JARID2: variants seen among roughly 807,000 people sequenced by gnomAD.
JARID2 encodes jumonji and AT-rich interaction domain containing 2, also known as protein Jumonji.
In JARID2, 21 loss-of-function variants were observed where a neutral mutation model predicts 125.6. The observed-to-expected ratio is 0.17, with a 90% CI of 0.12 to 0.24. The LOEUF is 0.24. Ranked by LOEUF, JARID2 falls within the 10% of genes least tolerant of loss-of-function variation. JARID2 has a pLI of 1.00. For synonymous variants in JARID2, 736 were observed against 661.6 expected (o/e 1.11, Z -1.73); for missense variants, 1,303 against 1,639.6 (o/e 0.79, Z 3.55).
At chr6:15,428,931 C>A (rs1302613844) in intron 3 of JARID2, among the ~76,000 whole-genome samples, 2 of 54,266 alleles carry the variant, frequency 3.7e-5, no homozygotes, top group African/African-American at 5.9e-5. Context: ...AAAAAACAAA[C>A]CCCCCCCCCA....
chr6:15,357,625 AC>A (rs1424776074), intron 1 of JARID2, among the ~76,000 whole-genome samples: 1 of 152,182 alleles, frequency 6.6e-6, no homozygotes, highest in East Asian at 1.9e-4. Flanking sequence ...AAGTTGAAAG[AC>A]CCTTGGTCGA....
At chr6:15,373,507 C>T (rs1168135535) in intron 1 of JARID2, among the ~76,000 whole-genome samples, 2 of 152,144 alleles carry the variant, frequency 1.3e-5, no homozygotes, top group Non-Finnish European at 2.9e-5. Context: ...AAAAATCATG[C>T]CAGTTGTATG....
chr6:15,255,943 C>G (rs760952620), intron 1 of JARID2, among the ~76,000 whole-genome samples: 1 of 152,100 alleles, frequency 6.6e-6, no homozygotes, highest in Non-Finnish European at 1.5e-5. Flanking sequence ...GGAATGTGAG[C>G]CTACTTCAAG....
At chr6:15,429,116 C>T (rs1423666495) in intron 3 of JARID2, among the ~76,000 whole-genome samples, 1 of 152,104 alleles carries the variant, frequency 6.6e-6, no homozygotes, top group African/African-American at 2.4e-5. Flanking sequence ...GCTATGTCCA[C>T]TTGAGTAGGG....
intron 6 of JARID2, among the ~76,000 whole-genome samples, chr6:15,494,413 C>CTTTTTTG (rs1770303526): frequency 1.2e-5 from 1 of 80,596 alleles, no homozygotes; most frequent in Non-Finnish European, 2.2e-5. Context: ...TTTGGCAAGT[C>CTTTTTTG]TTTTTTTTTT....
intron 3 of JARID2, among the ~76,000 whole-genome samples, chr6:15,433,163 T>C (rs2127602841): frequency 6.6e-6 from 1 of 152,312 alleles, no homozygotes; most frequent in Middle Eastern, 3.4e-3. Flanking sequence ...ACCCATTCTA[T>C]ATATAGTTGC....
chr6:15,401,258 C>T (rs1035198623), intron 2 of JARID2, among the ~76,000 whole-genome samples: 5 of 152,070 alleles, frequency 3.3e-5, no homozygotes, highest in Admixed American at 1.3e-4. Flanking sequence ...AATGGTGGCT[C>T]CTGCAAAGGC....
At chr6:15,254,230 T>A (rs1759567047) in intron 1 of JARID2, among the ~76,000 whole-genome samples, 1 of 152,252 alleles carries the variant, frequency 6.6e-6, no homozygotes, top group Non-Finnish European at 1.5e-5. Context: ...TGGTTTGTGC[T>A]CTTCTAGTTT....
At chr6:15,382,865 C>A (rs1359087007) in intron 2 of JARID2, among the ~76,000 whole-genome samples, 1 of 152,192 alleles carries the variant, frequency 6.6e-6, no homozygotes, top group Non-Finnish European at 1.5e-5. Flanking sequence ...CTCTGCCCGC[C>A]TCCTTTGTCA....
intron 16 of JARID2, among the ~76,000 whole-genome samples, chr6:15,516,188 TACA>T (rs1026083427): frequency 8.5e-5 from 13 of 152,204 alleles, no homozygotes; most frequent in African/African-American, 2.7e-4. Flanking sequence ...CCCACACTCC[TACA>T]ACGTGTTCTC....
At chr6:15,475,846 G>T (rs764993594) in intron 5 of JARID2, among the ~76,000 whole-genome samples, 3 of 152,156 alleles carry the variant, frequency 2.0e-5, no homozygotes, top group Non-Finnish European at 4.4e-5. Flanking sequence ...GTGTCCTTTT[G>T]GTTTCTGACT....
chr6:15,304,398 TAGAGGACTCTAAAGCC>T (rs1017177651), intron 1 of JARID2, among the ~76,000 whole-genome samples: 15 of 150,328 alleles, frequency 1.0e-4, no homozygotes, highest in Admixed American at 8.7e-4. Context: ...TCACTTTTTT[TAGAGGACTCTAAAGCC>T]AGAGGATTCT....
intron 1 of JARID2, among the ~76,000 whole-genome samples, chr6:15,268,366 A>C (rs1201416456): frequency 6.6e-6 from 1 of 152,262 alleles, no homozygotes; most frequent in Non-Finnish European, 1.5e-5. Context: ...GCTTAACGCC[A>C]GGACTTCATT....
intron 3 of JARID2, among the ~76,000 whole-genome samples, chr6:15,415,832 A>ACCTCCCCC (rs1561847745): frequency 9.0e-6 from 1 of 111,260 alleles, no homozygotes; most frequent in Non-Finnish European, 1.9e-5. Context: ...TGACCCCCCC[A>ACCTCCCCC]CCTCCCTCCC....
In JARID2 at chr6:15,501,028, T is replaced by G; in HGVS notation, c.2067T>G (p.Thr689=). 6.2e-7 allele frequency: 1 copy of G among 1,614,190 alleles called. No homozygotes were observed. Among genetic ancestry groups the G allele is most frequent in the African/African-American group, 1.3e-5 (1 of 75,054 alleles). Residue 689 remains threonine (T), a synonymous_variant, in exon 8 of 18, where the codon ACT becomes ACG. Coordinates refer to ENST00000341776, the MANE Select transcript of JARID2 (RefSeq NM_004973.4). ...KLADMLRIPR[T]AQDRLAKLQE... Reference sequence around the variant, plus strand: ...CAGACATGCTGCGCATCCCCAGAACTGCCCAGGACCGGCTGGCCAAGCTGC... The same window carrying G: ...CAGACATGCTGCGCATCCCCAGAACGGCCCAGGACCGGCTGGCCAAGCTGC...
intron 5 of JARID2, 123 bp downstream of exon 5, chr6:15,468,841 C>A (rs1768876300): frequency 3.4e-6 from 3 of 883,450 alleles, no homozygotes; most frequent in South Asian, 1.8e-5. Context: ...TCTCCAGGGC[C>A]AGACACTTCA....
chr6:15,412,086 T>A (rs1030366700), intron 3 of JARID2, among the ~76,000 whole-genome samples: 1 of 152,206 alleles, frequency 6.6e-6, no homozygotes, highest in Non-Finnish European at 1.5e-5. Flanking sequence ...AAGGAAAACT[T>A]AGCCTTGGCA....
chr6:15,395,689 C>T lies in JARID2; in HGVS notation c.182-14535C>T, dbSNP rs138491862. ...TGCTGTGATTACAGGCATGAGCCAC[C>T]GCTCCCAGCTCTGTCACCAGGCTGG... On this transcript the variant is annotated intron_variant, in intron 2 of 17. Coordinates refer to ENST00000341776, the MANE Select transcript of JARID2 (RefSeq NM_004973.4). 5.3e-3 allele frequency among the ~76,000 whole-genome samples: 805 copies of T among 151,926 alleles called. 6 individuals are homozygous for T. The highest frequency in any genetic ancestry group is 8.5e-3 in the Non-Finnish European group (577 of 67,926).
At chr6:15,381,371 A>T (rs1764581443) in intron 2 of JARID2, among the ~76,000 whole-genome samples, 1 of 144,436 alleles carries the variant, frequency 6.9e-6, no homozygotes. Context: ...AAAGTGGCTT[A>T]TGCTTCAGCT....
Sources: allele counts gnomAD v4.1 joint callset (sites outside exome capture counted in the v4.1 genomes callset), GRCh38; gene constraint gnomAD v4.1.1; transcripts MANE v1.5; gene names NCBI Gene and HGNC (gene_info 2026-07-23, HGNC 2026-07-21).